The following MTUS2 variants were observed in gnomAD, a reference collection of about 807,000 sequenced individuals.
MTUS2 encodes the protein microtubule-associated tumor suppressor candidate 2.
A neutral mutation model predicts 114.1 loss-of-function variants in MTUS2; 40 were observed. The ratio of observed to expected loss-of-function variants is 0.35; its 90% CI spans 0.27 to 0.46. The LOEUF is 0.46. Among genes scored for constraint, MTUS2 ranks in the 20% least tolerant of loss-of-function variants. The probability of loss-of-function intolerance (pLI) is 1.00; values close to 1 mark genes in which losing one functional copy is unlikely to be tolerated. For synonymous variants in MTUS2, 688 were observed against 672.0 expected, an observed-to-expected ratio of 1.02 and a Z score of -0.37; for missense variants, 1,679 against 1,705.4, an observed-to-expected ratio of 0.98 and a Z score of 0.27.
intron 8 of MTUS2, among the ~76,000 whole-genome samples, chr13:29,422,656 T>C (rs1009040319): frequency 7.1e-6 from 1 of 140,660 alleles, no homozygotes; most frequent in Non-Finnish European, 1.5e-5. Context: ...TTCTTTTTTT[T>C]TTTTTTTTTT....
chr13:29,419,766 T>TA lies in MTUS2; in HGVS notation c.3118-20216dup, dbSNP rs1353526569. Among the ~76,000 whole-genome samples the TA allele has an allele frequency of 4.6e-5, 7 of 152,320 alleles. No homozygotes were observed. In the East Asian group the frequency reaches 1.2e-3, roughly 25 times the overall value. Reference sequence around the variant, plus strand: ...TCTTCAGGACACATGTAGAAGTTCTTACGTTATTTAGGCAACACTTGAGCT... The same window carrying TA: ...TCTTCAGGACACATGTAGAAGTTCTTAACGTTATTTAGGCAACACTTGAGCT... On this transcript the variant is annotated intron_variant, in intron 8 of 15. Transcript: ENST00000612955.
chr13:28,935,011 T>G (rs79538403), intron 2 of MTUS2, among the ~76,000 whole-genome samples: 2 of 141,480 alleles, frequency 1.4e-5, no homozygotes, highest in Admixed American at 6.9e-5. Context: ...ATAGCGTTTT[T>G]TTTTTTTTTT....
chr13:29,121,200 G>A (rs1405224691), intron 5 of MTUS2, among the ~76,000 whole-genome samples: 3 of 152,162 alleles, frequency 2.0e-5, no homozygotes, highest in Non-Finnish European at 4.4e-5. Flanking sequence ...CTCAACAGAT[G>A]TCATTAGGCA....
intron 2 of MTUS2, among the ~76,000 whole-genome samples, chr13:29,010,478 T>C (rs9508223): frequency 0.98 from 149,686 of 152,162 alleles, 73,675 homozygotes; most frequent in Middle Eastern, 1. Flanking sequence ...CTCAAGGGTC[T>C]CCCTTTCCTT....
In MTUS2 at chr13:29,119,667, C is replaced by G. The variant is rs1170710072; in HGVS notation, c.2644+18697C>G. Among the ~76,000 whole-genome samples, 3 of 152,190 alleles carry G rather than the reference C, an allele frequency of 2.0e-5. No homozygotes were observed. In the East Asian group the frequency reaches 5.8e-4, roughly 29 times the overall value. On this transcript the variant is annotated intron_variant, in intron 5 of 15. Transcript: ENST00000612955. ...CTGAGGGCAGGAGAAGATCCCTGTTCTAGTTCAAGTAGTCAGGGAAGAGAG... is the reference window on the plus strand; with the variant it reads ...CTGAGGGCAGGAGAAGATCCCTGTTGTAGTTCAAGTAGTCAGGGAAGAGAG...
intron 7 of MTUS2, among the ~76,000 whole-genome samples, chr13:29,351,917 C>T (rs1869323073): frequency 6.6e-6 from 1 of 152,028 alleles, no homozygotes; most frequent in African/African-American, 2.4e-5. Context: ...CTGTGCCTGG[C>T]ATTAGTTAAT....
At chr13:29,218,322 T>C (rs556278007) in intron 5 of MTUS2, among the ~76,000 whole-genome samples, 1 of 152,304 alleles carries the variant, frequency 6.6e-6, no homozygotes, top group Admixed American at 6.5e-5. Context: ...CTAATTCTCA[T>C]TCGTTTGCTA....
chr13:29,058,205 A>ATTTT (rs149316720), intron 4 of MTUS2, among the ~76,000 whole-genome samples: 2 of 138,884 alleles, frequency 1.4e-5, no homozygotes, highest in Non-Finnish European at 1.5e-5. Context: ...TGCCTTTAAC[A>ATTTT]TTTTTTTTTT....
chr13:28,829,954 G>C (rs1874549238), intron 1 of MTUS2, among the ~76,000 whole-genome samples: 1 of 152,106 alleles, frequency 6.6e-6, no homozygotes, highest in Non-Finnish European at 1.5e-5. Flanking sequence ...AGTAAAGTAG[G>C]AAGAGAAGAC....
intron 5 of MTUS2, among the ~76,000 whole-genome samples, chr13:29,180,596 G>A (rs896751019): frequency 5.3e-5 from 8 of 152,266 alleles, no homozygotes; most frequent in Admixed American, 1.3e-4. Flanking sequence ...ATGTGACACC[G>A]TGCTTCATTG....
chr13:28,857,784 C>T (rs1218790677), intron 2 of MTUS2, among the ~76,000 whole-genome samples: 5 of 152,182 alleles, frequency 3.3e-5, no homozygotes, highest in Admixed American at 6.5e-5. Flanking sequence ...CAGTGTTCTG[C>T]GCAGAATCTT....
intron 2 of MTUS2, among the ~76,000 whole-genome samples, chr13:28,881,438 A>G (rs537953423): frequency 1.3e-5 from 2 of 152,308 alleles, no homozygotes; most frequent in South Asian, 2.1e-4. Context: ...GCAATAAACT[A>G]TGAATGCAGG....
chr13:29,233,325 C>T (rs1325656797), intron 5 of MTUS2, among the ~76,000 whole-genome samples: 1 of 152,032 alleles, frequency 6.6e-6, no homozygotes, highest in African/African-American at 2.4e-5. Context: ...CTTAGACAAT[C>T]GGTGAGAACA....
chr13:29,062,405 A>G (rs1888464149), intron 4 of MTUS2, among the ~76,000 whole-genome samples: 1 of 152,224 alleles, frequency 6.6e-6, no homozygotes, highest in South Asian at 2.1e-4. Context: ...CTGTGAGAAT[A>G]ACTTTGGCTA....
intron 5 of MTUS2, among the ~76,000 whole-genome samples, chr13:29,133,633 G>A (rs1360158016): frequency 6.6e-6 from 1 of 152,186 alleles, no homozygotes; most frequent in African/African-American, 2.4e-5. Context: ...GAATAGTCAT[G>A]GCACCTTGTT....
chr13:29,284,805 ATTTATC>A (rs1226685208), intron 6 of MTUS2, among the ~76,000 whole-genome samples: 1 of 152,184 alleles, frequency 6.6e-6, no homozygotes, highest in Non-Finnish European at 1.5e-5. Flanking sequence ...CTCATCTGAA[ATTTATC>A]TTTAAAACAA....
chr13:28,973,198 G>C (rs371398601), intron 2 of MTUS2, among the ~76,000 whole-genome samples: 56 of 152,188 alleles, frequency 3.7e-4, no homozygotes, highest in East Asian at 3.7e-3. Context: ...AGTTTTTCCT[G>C]TCTGCTGTTG....
intron 6 of MTUS2, among the ~76,000 whole-genome samples, chr13:29,283,075 G>A (rs193070265): frequency 3.3e-4 from 50 of 152,252 alleles, no homozygotes; most frequent in Admixed American, 2.8e-3. Context: ...TAATAGATAT[G>A]GATAGATTGC....
At chr13:29,260,349 C>T (rs2139460766) in intron 5 of MTUS2, among the ~76,000 whole-genome samples, 1 of 152,262 alleles carries the variant, frequency 6.6e-6, no homozygotes, top group Admixed American at 6.5e-5. Context: ...AAGTTCAGTC[C>T]CATTCCCCAG....
Sources: gnomAD v4.1 joint callset for allele counts (sites outside exome capture counted in the v4.1 genomes callset) on GRCh38, gnomAD v4.1.1 for gene constraint, MANE v1.5 for transcripts, NCBI Gene and HGNC (gene_info 2026-07-23, HGNC 2026-07-21) for gene names.